PPM1L: variants seen among roughly 807,000 people sequenced by gnomAD.
PPM1L encodes protein phosphatase 1L.
In PPM1L, 13 loss-of-function variants were observed where a neutral mutation model predicts 31.4. The observed-to-expected ratio is 0.41, with a 90% CI of 0.27 to 0.66. PPM1L has a LOEUF of 0.66. Among genes scored for constraint, PPM1L ranks in the 30% least tolerant of loss-of-function variants. The pLI, the probability that PPM1L is intolerant of heterozygous loss-of-function variation, is 0.29. For missense variants in PPM1L, 326 were observed against 453.7 expected (o/e 0.72, Z 2.56); for synonymous variants, 184 against 175.4 (o/e 1.05, Z -0.39).
intron 2 of PPM1L, among the ~76,000 whole-genome samples, chr3:160,990,167 T>G (rs1260829096): frequency 6.6e-6 from 1 of 151,944 alleles, no homozygotes; most frequent in Non-Finnish European, 1.5e-5. Flanking sequence ...CTGATCTTTT[T>G]TTTGTTTGTT....
At chr3:160,824,811 G>A (rs753112485) in intron 1 of PPM1L, among the ~76,000 whole-genome samples, 2 of 152,090 alleles carry the variant, frequency 1.3e-5, no homozygotes, top group Non-Finnish European at 2.9e-5. Context: ...TTTTAAAACT[G>A]TATCTTCTAA....
At chr3:160,973,702 G>A (rs1055867264) in intron 2 of PPM1L, among the ~76,000 whole-genome samples, 7 of 141,134 alleles carry the variant, frequency 5.0e-5, no homozygotes, top group Admixed American at 2.9e-4. Flanking sequence ...GTTATGTTCA[G>A]TCTTTGGGAT....
At chr3:160,894,800 A>G (rs1713278646) in intron 1 of PPM1L, among the ~76,000 whole-genome samples, 1 of 152,214 alleles carries the variant, frequency 6.6e-6, no homozygotes, top group African/African-American at 2.4e-5. Context: ...TCAGTAACAA[A>G]TCTGCCTTCA....
At chr3:161,016,213 T>TAA (rs147796304) in intron 2 of PPM1L, among the ~76,000 whole-genome samples, 7 of 151,638 alleles carry the variant, frequency 4.6e-5, no homozygotes, top group African/African-American at 1.2e-4. Context: ...AGGCAACTGG[T>TAA]AAAAAAAAAT....
chr3:161,016,477 C>T (rs1047713457), intron 2 of PPM1L, among the ~76,000 whole-genome samples: 10 of 152,088 alleles, frequency 6.6e-5, no homozygotes, highest in Admixed American at 3.9e-4. Context: ...ATATGGAACG[C>T]TGAAGAAGGA....
In PPM1L at chr3:160,768,340, C is replaced by G. The variant is rs1184094880; in HGVS notation, c.399+11633C>G. On this transcript the variant is annotated intron_variant, in intron 1 of 3. Coordinates refer to ENST00000498165, the MANE Select transcript of PPM1L (RefSeq NM_139245.4). ...TTTTTTTCACTATAATCCTTTCTCT[C>G]AAGAAATTCATCTCTGTATGTGAAC... is the stretch of plus-strand genomic sequence containing the variant. 2.6e-5 allele frequency among the ~76,000 whole-genome samples: 4 copies of G among 152,234 alleles called. No individual in the cohort carries two copies. In the East Asian group the frequency reaches 7.7e-4, roughly 29 times the overall value.
intron 1 of PPM1L, among the ~76,000 whole-genome samples, chr3:160,876,345 T>TTG (rs1712510951): frequency 6.6e-6 from 1 of 152,186 alleles, no homozygotes. Flanking sequence ...CCTGCCACAC[T>TTG]TGTTAGTGTG....
rs113273287 is a variant in PPM1L, at chr3:160,756,752, C to CGTGTGTGT, written c.399+76_399+83dup. On this transcript the variant is annotated intron_variant, in intron 1 of 3. Transcript: ENST00000498165. This position sits in a 1 kb window ranked among gnomAD's most constrained non-coding sequence, Gnocchi z 6.2. ...TTTGTATTTGTGTCCGTGTATGTCT[C>CGTGTGTGT]GTGTGTGTGTGTGTGTGTGTGTGTG... 0.093 allele frequency: 93,588 copies of CGTGTGTGT among 1,007,488 alleles called. 2,792 individuals carry two copies. Among genetic ancestry groups the CGTGTGTGT allele is most frequent in the African/African-American group, 0.2 (10,877 of 54,984 alleles). The allele number at this position is 1,007,488 out of a possible 1,614,324, so 62.4% of individuals were successfully genotyped here.
rs2108052001 is a variant in PPM1L at position 160,756,761 on chromosome 3, GT to G, written c.399+55del. ...GTGTCCGTGTATGTCTCGTGTGTGT[GT>G]GTGTGTGTGTGTGTGTGTGTGTGTG... On this transcript the variant is annotated intron_variant, in intron 1 of 3. Coordinates refer to ENST00000498165, the MANE Select transcript of PPM1L (RefSeq NM_139245.4). This position sits in a 1 kb window ranked among gnomAD's most constrained non-coding sequence, Gnocchi z 6.2. 7.8e-7 allele frequency: 1 copy of G among 1,276,216 alleles called. No individual in the cohort carries two copies. Among genetic ancestry groups the G allele is most frequent in the South Asian group, 1.4e-5 (1 of 70,940 alleles). 79.1% of individuals were successfully genotyped at this position (1,276,216 alleles called of 1,614,324 possible).
At chr3:161,068,641 G>C (rs1314352320) in intron 3 of PPM1L, among the ~76,000 whole-genome samples, 170 bp from the exon 4 acceptor site, 1 of 152,184 alleles carries the variant, frequency 6.6e-6, no homozygotes, top group East Asian at 1.9e-4. Flanking sequence ...TCAACTGGTA[G>C]AGTATAAAAC....
intron 1 of PPM1L, among the ~76,000 whole-genome samples, chr3:160,790,635 T>C (rs1712077808): frequency 6.6e-6 from 1 of 152,084 alleles, no homozygotes; most frequent in African/African-American, 2.4e-5. Context: ...GGATGTATTA[T>C]TGTCATGAAA....
At chr3:160,959,799 C>T (rs1186568090) in intron 1 of PPM1L, among the ~76,000 whole-genome samples, 1 of 152,138 alleles carries the variant, frequency 6.6e-6, no homozygotes, top group Non-Finnish European at 1.5e-5. Flanking sequence ...TGCCATTGCA[C>T]TCCAGCCTGG....
At chr3:161,052,769 T>G (rs1284805541) in intron 2 of PPM1L, among the ~76,000 whole-genome samples, 1 of 152,186 alleles carries the variant, frequency 6.6e-6, no homozygotes, top group Non-Finnish European at 1.5e-5. Context: ...AAATTAAAAC[T>G]ATAGGGAAGA....
Position 160,843,425 on chromosome 3 carries a change from T to TA in PPM1L, c.399+86718_399+86719insA, listed in dbSNP as rs1372679366. Among the ~76,000 whole-genome samples the TA allele has an allele frequency of 1.4e-3, 130 of 90,374 alleles. 1 individual carries two copies. Among genetic ancestry groups the TA allele is most frequent in the African/African-American group, 6.0e-3 (117 of 19,450 alleles). 59.3% of individuals were successfully genotyped at this position (90,374 alleles called of 152,430 possible). A position where few individuals can be genotyped will look rare whatever the true frequency, so the allele number is the denominator to read the frequency against. On this transcript the variant is annotated intron_variant, in intron 1 of 3. Coordinates refer to ENST00000498165, the MANE Select transcript of PPM1L (RefSeq NM_139245.4). ...TTTTTTGTGTGTGTATGGCAATTCT[T>TA]TTATATATATATATATATATATATA...
At chr3:160,768,190 A>G (rs972583816) in intron 1 of PPM1L, among the ~76,000 whole-genome samples, 5 of 152,180 alleles carry the variant, frequency 3.3e-5, no homozygotes, top group Non-Finnish European at 7.4e-5. Context: ...TTCTCTCTAG[A>G]TAGGTCTGGC....
At chr3:160,912,285 G>A (rs2108063648) in intron 1 of PPM1L, among the ~76,000 whole-genome samples, 1 of 152,290 alleles carries the variant, frequency 6.6e-6, no homozygotes, top group Middle Eastern at 3.4e-3. Context: ...CCATCTCTGA[G>A]CAAATCCATG....
chr3:161,067,401 T>C (rs1255303047), intron 3 of PPM1L, among the ~76,000 whole-genome samples: 1 of 152,250 alleles, frequency 6.6e-6, no homozygotes, highest in Non-Finnish European at 1.5e-5. Context: ...ATGTGTGTTT[T>C]CTCTGGCCTC....
intron 1 of PPM1L, among the ~76,000 whole-genome samples, chr3:160,910,198 CTTCCCT>C (rs1304993253): frequency 9.3e-5 from 13 of 139,824 alleles, no homozygotes; most frequent in African/African-American, 3.5e-4. Context: ...TCCCCTTCCC[CTTCCCT>C]GTCCCTTTCC....
intron 2 of PPM1L, among the ~76,000 whole-genome samples, chr3:161,049,277 CA>C (rs919176705): frequency 4.4e-4 from 61 of 140,018 alleles, no homozygotes; most frequent in Middle Eastern, 7.1e-3. Flanking sequence ...GATCCTGTCT[CA>C]AAAAAAAAAC....
Sources: allele counts gnomAD v4.1 joint callset (sites outside exome capture counted in the v4.1 genomes callset), GRCh38; gene constraint gnomAD v4.1.1; non-coding constraint Gnocchi (gnomAD v3.1); transcripts MANE v1.5; gene names NCBI Gene and HGNC (gene_info 2026-07-23, HGNC 2026-07-21).